The following ARHGAP35 variants were observed in gnomAD, a reference collection of about 807,000 sequenced individuals.
ARHGAP35 encodes rho GTPase-activating protein 35.
ARHGAP35 carries 15 observed loss-of-function variants against 111.1 expected under a neutral mutation model. That is an observed-to-expected ratio of 0.13 (90% CI 0.09 to 0.21). The LOEUF is 0.21. Among genes scored for constraint, ARHGAP35 ranks in the 10% least tolerant of loss-of-function variants. The pLI is 1.00. For missense variants in ARHGAP35, 1,262 were observed against 1,873.0 expected (o/e 0.67, Z 6.02); for synonymous variants, 643 against 710.3 (o/e 0.91, Z 1.51).
Position 47,001,233 on chromosome 19 carries a change from C to T in ARHGAP35, c.*545C>T. On this transcript the variant is annotated 3_prime_UTR_variant, in exon 7 of 7. Coordinates refer to ENST00000672722, the MANE Select transcript of ARHGAP35 (RefSeq NM_004491.5). The surrounding 1 kb of genome is among the most constrained non-coding windows in gnomAD (Gnocchi z 5.4). ...CGGCTCTGCCACCACTAGGTACCTG[C>T]TGAGGGCGCTGGCTCTGCAGATCAG... The T allele has an allele frequency of 3.9e-6, 5 of 1,283,190 alleles. No homozygotes were observed. Among genetic ancestry groups the T allele is most frequent in the Non-Finnish European group, 4.1e-6 (4 of 986,494 alleles). The allele number at this position is 1,283,190 out of a possible 1,614,324, so 79.5% of individuals were successfully genotyped here. A position where few individuals can be genotyped will look rare whatever the true frequency, so the allele number is the denominator to read the frequency against.
intron 3 of ARHGAP35, 94 bp from the exon 4 acceptor site, chr19:46,987,895 A>G (rs2056659659): frequency 3.2e-6 from 4 of 1,265,466 alleles, no homozygotes; most frequent in Admixed American, 2.0e-5. Flanking sequence ...CACCTCATGG[A>G]CTTTCCCTGG....
intron 3 of ARHGAP35, among the ~76,000 whole-genome samples, chr19:46,960,982 C>T (rs752345562): frequency 6.6e-6 from 1 of 151,830 alleles, no homozygotes; most frequent in African/African-American, 2.4e-5. Context: ...GCAACCTCCA[C>T]CTCCCGAGTT....
intron 2 of ARHGAP35, among the ~76,000 whole-genome samples, chr19:46,928,925 G>A (rs1417625447): frequency 6.7e-6 from 1 of 149,124 alleles, no homozygotes; most frequent in Non-Finnish European, 1.5e-5. Context: ...GAGGGAGACG[G>A]TCTCAAAAAA....
At chr19:46,972,846 G>GGCT (rs2056558289) in intron 3 of ARHGAP35, among the ~76,000 whole-genome samples, 1 of 152,130 alleles carries the variant, frequency 6.6e-6, no homozygotes. Flanking sequence ...TTCAAACCCA[G>GGCT]AGCCATTGCC....
At chr19:46,959,509 C>T (rs1397832784) in intron 3 of ARHGAP35, among the ~76,000 whole-genome samples, 3 of 151,896 alleles carry the variant, frequency 2.0e-5, no homozygotes, top group Non-Finnish European at 4.4e-5. Context: ...AAGCAATTCT[C>T]CTCCTTCAGC....
At chr19:46,861,775 A>T (rs2122844097) in intron 1 of ARHGAP35, among the ~76,000 whole-genome samples, 1 of 152,072 alleles carries the variant, frequency 6.6e-6, no homozygotes, top group Non-Finnish European at 1.5e-5. Context: ...CCTGTCTCAG[A>T]ATCTGTTGCA....
chr19:46,929,505 C>T (rs1403177684), intron 2 of ARHGAP35, among the ~76,000 whole-genome samples: 2 of 149,116 alleles, frequency 1.3e-5, no homozygotes, highest in Non-Finnish European at 1.5e-5. Context: ...CTCTGGGGCT[C>T]TGTGTATTGA....
intron 1 of ARHGAP35, among the ~76,000 whole-genome samples, chr19:46,881,137 GT>G (rs780119062): frequency 6.6e-6 from 1 of 152,020 alleles, no homozygotes. Context: ...TAGAGATGGG[GT>G]TTCACCATGT....
chr19:46,906,549 C>T (rs537251366), intron 1 of ARHGAP35, among the ~76,000 whole-genome samples: 4 of 152,260 alleles, frequency 2.6e-5, no homozygotes, highest in South Asian at 4.1e-4. Context: ...AAAGTATGTA[C>T]GATTTGAACA....
intron 3 of ARHGAP35, among the ~76,000 whole-genome samples, chr19:46,964,927 A>G (rs1351866264): frequency 6.6e-6 from 1 of 152,186 alleles, no homozygotes; most frequent in Non-Finnish European, 1.5e-5. Flanking sequence ...CTTTCCCTTC[A>G]TATGTTTATT....
At chr19:46,951,125 G>C (rs954907068) in intron 3 of ARHGAP35, among the ~76,000 whole-genome samples, 1 of 152,272 alleles carries the variant, frequency 6.6e-6, no homozygotes, top group Non-Finnish European at 1.5e-5. Flanking sequence ...GCCTTTGCCA[G>C]AATACTTAGG....
chr19:46,982,287 G>T (rs1419669415), intron 3 of ARHGAP35, among the ~76,000 whole-genome samples: 1 of 152,094 alleles, frequency 6.6e-6, no homozygotes, highest in African/African-American at 2.4e-5. Context: ...GACCAGTCTA[G>T]CCAACATGGC....
chr19:46,907,478 TTTTG>T lies in ARHGAP35; in HGVS notation c.-188-10986_-188-10983del, dbSNP rs56161001. On this transcript the variant is annotated intron_variant, in intron 1 of 6. Coordinates refer to ENST00000672722, the MANE Select transcript of ARHGAP35 (RefSeq NM_004491.5). ...ATTCATTCTGTTTCTTAGCTTCTTT[TTTTG>T]TTTGTTTGTTTGTTTGTTTGTTTTT... 2.5e-3 allele frequency among the ~76,000 whole-genome samples: 375 copies of T among 147,596 alleles called. 3 individuals carry two copies. Among genetic ancestry groups the T allele is most frequent in the African/African-American group, 7.1e-3 (285 of 39,938 alleles).
chr19:46,900,954 C>T (rs770376314), intron 1 of ARHGAP35, among the ~76,000 whole-genome samples: 4 of 152,160 alleles, frequency 2.6e-5, no homozygotes, highest in Non-Finnish European at 5.9e-5. Context: ...TACCACGTGC[C>T]GGGGCTTTCT....
intron 3 of ARHGAP35, among the ~76,000 whole-genome samples, chr19:46,954,712 T>TA (rs1004322341): frequency 3.3e-5 from 5 of 152,254 alleles, no homozygotes; most frequent in African/African-American, 1.2e-4. Flanking sequence ...CAACAGTTTT[T>TA]AAAAAACAAA....
Position 47,000,611 on chromosome 19 carries a change from C to G in ARHGAP35, c.4423C>G (p.Gln1475Glu). 1 of 1,612,524 alleles carries G rather than the reference C, an allele frequency of 6.2e-7. No individual in the cohort carries two copies. The highest frequency in any genetic ancestry group is 1.1e-5 in the South Asian group (1 of 90,924). Reference sequence around the variant, plus strand: ...TGTCACAAGTCAGCCGTCGCCCCCACAGTCGCCTCCACCCACCCCCCAGTC... The same window carrying G: ...TGTCACAAGTCAGCCGTCGCCCCCAGAGTCGCCTCCACCCACCCCCCAGTC... Reference protein sequence around the residue: ...TPVTSQPSPPQSPPPTPQSPM... With the variant: ...TPVTSQPSPPESPPPTPQSPM... The change falls in exon 7 of 7, where the codon CAG becomes GAG. Residue 1475 changes from glutamine to glutamate, a missense_variant. Coordinates refer to ENST00000672722, the MANE Select transcript of ARHGAP35 (RefSeq NM_004491.5). The surrounding 1 kb of genome is among the most constrained non-coding windows in gnomAD (Gnocchi z 6.9).
chr19:46,871,120 C>T (rs1161824717), intron 1 of ARHGAP35, among the ~76,000 whole-genome samples: 4 of 152,262 alleles, frequency 2.6e-5, no homozygotes, highest in Middle Eastern at 3.4e-3. Context: ...AATGGGATAA[C>T]GGTGATTTCA....
chr19:46,917,504 A>G (rs1286227386), intron 1 of ARHGAP35, among the ~76,000 whole-genome samples: 2 of 152,070 alleles, frequency 1.3e-5, no homozygotes, highest in East Asian at 3.9e-4. Context: ...GCTACTCGGG[A>G]GGCTGAGGAA....
chr19:46,895,165 C>CTTT (rs942875389), intron 1 of ARHGAP35, among the ~76,000 whole-genome samples: 1 of 136,634 alleles, frequency 7.3e-6, no homozygotes. Context: ...AGGGCAAAAT[C>CTTT]TTTTTTTTTT....
Sources: gnomAD v4.1 joint callset for allele counts (sites outside exome capture counted in the v4.1 genomes callset) on GRCh38, gnomAD v4.1.1 for gene constraint, Gnocchi (gnomAD v3.1) non-coding constraint, MANE v1.5 for transcripts, NCBI Gene and HGNC (gene_info 2026-07-23, HGNC 2026-07-21) for gene names.